The following ANK2 variants were observed in gnomAD, a reference collection of about 807,000 sequenced individuals.
ANK2 encodes the protein ankyrin 2.
A neutral mutation model predicts 360.5 loss-of-function variants in ANK2; 83 were observed. The ratio of observed to expected loss-of-function variants is 0.23; its 90% CI spans 0.19 to 0.28. The LOEUF is 0.28. Among genes scored for constraint, ANK2 ranks in the 10% least tolerant of loss-of-function variants. The pLI is 1.00. For synonymous variants in ANK2, 1,740 were observed against 1,759.5 expected (o/e 0.99, Z 0.28); for missense variants, 4,201 against 4,795.7 (o/e 0.88, Z 3.66).
chr4:113,328,614 G>T (rs746593066), intron 26 of ANK2, among the ~76,000 whole-genome samples: 31 of 152,266 alleles, frequency 2.0e-4, no homozygotes, highest in Admixed American at 5.2e-4. Context: ...CTGAACTGTT[G>T]ATTGTACTTC....
rs2083687234 is a variant in ANK2 at position 113,317,753 on chromosome 4, T to C, written c.2740T>C (p.Ser914Pro). 6.2e-7 allele frequency: 1 copy of C among 1,614,154 alleles called. No individual in the cohort carries two copies. Among genetic ancestry groups the C allele is most frequent in the Admixed American group, 1.7e-5 (1 of 60,018 alleles). ...CAGGTCTCACACTCTGAGCCATGCC[T>C]CCTACCTGAGGGACAGTGCCGTGAT... ...SDRSHTLSHASYLRDSAVMDD... is the reference protein window; with the variant it reads ...SDRSHTLSHAPYLRDSAVMDD... Residue 914 changes from serine (S) to proline (P), a missense_variant, in exon 25 of 46, where the codon TCC becomes CCC. Physicochemically the swap from Ser to Pro is moderately conservative, Grantham distance 74. Around this residue, in one of 4 missense-constraint regions of ANK2, gnomAD observed 1,268 missense variants for 1,650.8 expected, o/e 0.77. Transcript: ENST00000357077.
the ANK2 span, among the ~76,000 whole-genome samples, chr4:112,801,309 T>G: frequency 6.6e-6 from 1 of 152,342 alleles, no homozygotes; most frequent in East Asian, 1.9e-4. Flanking sequence ...TGAACTGCCT[T>G]CCTGAAGATA....
At chr4:112,917,404 C>T (rs917773403) in intron 2 of ANK2, among the ~76,000 whole-genome samples, 1 of 152,216 alleles carries the variant, frequency 6.6e-6, no homozygotes, top group African/African-American at 2.4e-5. Context: ...ATATACTTAT[C>T]CTCCACCACC....
chr4:113,124,859 G>A (rs1010391422), intron 1 of ANK2, among the ~76,000 whole-genome samples: 1 of 152,094 alleles, frequency 6.6e-6, no homozygotes, highest in African/African-American at 2.4e-5. Flanking sequence ...GCTGGGTGTG[G>A]TGGCTCATGT....
chr4:113,279,784 TAAAC>T (rs1346371058), intron 17 of ANK2, among the ~76,000 whole-genome samples: 3 of 151,238 alleles, frequency 2.0e-5, no homozygotes, highest in East Asian at 1.9e-4. Context: ...TTGATGCCAA[TAAAC>T]AGTTTATAAT....
intron 1 of ANK2, among the ~76,000 whole-genome samples, chr4:112,870,730 C>T (rs76330897): frequency 0.064 from 9,700 of 152,210 alleles, 572 homozygotes; most frequent in African/African-American, 0.15. Flanking sequence ...GTTCTCCAAC[C>T]TTGTTCTTTG....
At chr4:113,375,724 C>CAA (rs538542250) in intron 45 of ANK2, among the ~76,000 whole-genome samples, 1,676 of 102,840 alleles carry the variant, frequency 0.016, 36 homozygotes, top group African/African-American at 0.057. Flanking sequence ...GAATTCGTCT[C>CAA]AAAAAAAAAA....
chr4:113,253,474 T>C (rs2047607702), intron 10 of ANK2, among the ~76,000 whole-genome samples: 2 of 152,254 alleles, frequency 1.3e-5, no homozygotes, highest in Admixed American at 1.3e-4. Context: ...CTCCTGGGCA[T>C]CTCAAATTTA....
rs1382762744 is a variant in ANK2 at position 113,209,245 on chromosome 4, C to T, written c.384+10136C>T. On this transcript the variant is annotated intron_variant, in intron 4 of 45. Coordinates refer to ENST00000357077, the MANE Select transcript of ANK2 (RefSeq NM_001148.6). ...AGGAGGTCTTGCTATATAGATGAAA[C>T]CTCACCAGTAGTAGTAGCCCTTGGA... Among the ~76,000 whole-genome samples the T allele has an allele frequency of 5.3e-5, 8 of 151,874 alleles. No homozygotes were observed. The East Asian group carries it at 1.3e-3, about 26-fold the overall frequency.
chr4:112,982,592 T>C (rs886820719), intron 2 of ANK2, among the ~76,000 whole-genome samples: 8 of 152,232 alleles, frequency 5.3e-5, no homozygotes, highest in Admixed American at 4.6e-4. Context: ...GGGGAACTTA[T>C]AGTGCCTATG....
At chr4:113,295,620 G>C (rs1018721843) in intron 22 of ANK2, among the ~76,000 whole-genome samples, 4 of 152,050 alleles carry the variant, frequency 2.6e-5, no homozygotes, top group Non-Finnish European at 5.9e-5. Context: ...TTCTGTAGCT[G>C]AGCATTGCTC....
At chr4:112,878,473 T>A (rs948335535) in intron 1 of ANK2, among the ~76,000 whole-genome samples, 6 of 151,806 alleles carry the variant, frequency 4.0e-5, no homozygotes, top group African/African-American at 1.5e-4. Context: ...ATTACAGGCA[T>A]GCGCCACCAC....
rs1294433503 is a variant in ANK2, at chr4:112,958,144, C to T, written c.21+53630C>T. 2.0e-5 allele frequency among the ~76,000 whole-genome samples: 3 copies of T among 151,416 alleles called. No individual in the cohort carries two copies. The East Asian group carries it at 5.9e-4, about 30-fold the overall frequency. ...CCAGGCAGAGGGGCTCCTCACGTCCCAGACGATGGGCGGCCAGGCAGAGAG... is the reference window on the plus strand; with the variant it reads ...CCAGGCAGAGGGGCTCCTCACGTCCTAGACGATGGGCGGCCAGGCAGAGAG... On this transcript the variant is annotated intron_variant, in intron 2 of 30. Coordinates refer to the ANK2 transcript ENST00000503271.
At chr4:112,883,917 C>T (rs1253444649) in intron 1 of ANK2, among the ~76,000 whole-genome samples, 2 of 149,192 alleles carry the variant, frequency 1.3e-5, no homozygotes, top group African/African-American at 4.9e-5. Context: ...AAATGATTCT[C>T]AATTCTTTTT....
rs763795429 is a variant in ANK2, at chr4:113,354,133, A to C, written c.5515A>C (p.Thr1839Pro). The C allele has an allele frequency of 2.1e-5, 34 of 1,613,918 alleles. No homozygotes were observed. The highest frequency in any genetic ancestry group is 2.8e-5 in the Non-Finnish European group (33 of 1,179,986). ...RHSTLSSSAK[T>P]ERHPPVSPSS... ...CTCTACTCTTTCCTCTTCCGCAAAA[A>C]CTGAAAGGCACCCTCCAGTATCACC... is the stretch of plus-strand genomic sequence containing the variant. Residue 1839 changes from threonine (T) to proline (P), a missense_variant, in exon 38 of 46, where the codon ACT (threonine) becomes CCT (proline). Coordinates refer to ENST00000357077, the MANE Select transcript of ANK2 (RefSeq NM_001148.6).
chr4:112,925,524 T>G (rs1352600195), intron 2 of ANK2, among the ~76,000 whole-genome samples: 1 of 152,218 alleles, frequency 6.6e-6, no homozygotes, highest in Non-Finnish European at 1.5e-5. Context: ...TTTCACTTGG[T>G]TGAAAAAAAT....
chr4:113,063,584 A>G (rs1416531652), intron 1 of ANK2, among the ~76,000 whole-genome samples: 2 of 152,180 alleles, frequency 1.3e-5, no homozygotes, highest in Non-Finnish European at 2.9e-5. Flanking sequence ...ATGCATGATA[A>G]TAGTAACAGA....
chr4:113,064,680 C>T (rs2074951937), intron 1 of ANK2, among the ~76,000 whole-genome samples: 1 of 152,168 alleles, frequency 6.6e-6, no homozygotes, highest in Admixed American at 6.6e-5. Flanking sequence ...TCAATTTTAA[C>T]TTTTAAGATC....
At chr4:112,985,702 GT>G (rs1191963649) in intron 2 of ANK2, among the ~76,000 whole-genome samples, 1 of 152,132 alleles carries the variant, frequency 6.6e-6, no homozygotes, top group Non-Finnish European at 1.5e-5. Flanking sequence ...CCTTATTCAA[GT>G]TTTTGGGTAG....
Sources: gnomAD v4.1 joint callset for allele counts (sites outside exome capture counted in the v4.1 genomes callset) on GRCh38, gnomAD v4.1.1 for gene constraint, gnomAD v4.1.1 regional missense constraint, MANE v1.5 for transcripts, NCBI Gene and HGNC (gene_info 2026-07-23, HGNC 2026-07-21) for gene names.